Variants in DAAM1 observed in about 807,000 individuals in gnomAD.
DAAM1 encodes disheveled-associated activator of morphogenesis 1.
DAAM1 carries 52 observed loss-of-function variants against 130.0 expected under a neutral mutation model. The ratio of observed to expected loss-of-function variants is 0.40; its 90% CI spans 0.32 to 0.50. The LOEUF (loss-of-function observed/expected upper bound fraction) is 0.50. Ranked by LOEUF, DAAM1 falls within the 20% of genes least tolerant of loss-of-function variation. The pLI is 0.61. For missense variants in DAAM1, 1,134 were observed against 1,303.8 expected, an observed-to-expected ratio of 0.87 and a Z score of 2.01; for synonymous variants, 452 against 444.5, an observed-to-expected ratio of 1.02 and a Z score of -0.21.
intron 1 of DAAM1, among the ~76,000 whole-genome samples, chr14:59,262,490 C>T (rs933162600): frequency 6.6e-5 from 10 of 152,158 alleles, no homozygotes; most frequent in Non-Finnish European, 1.0e-4. Context: ...TTCTCCAACC[C>T]TCTGTTTTTA....
chr14:59,262,673 TG>T, intron 1 of DAAM1, among the ~76,000 whole-genome samples: 1 of 151,250 alleles, frequency 6.6e-6, no homozygotes, highest in Non-Finnish European at 1.5e-5. Context: ...TGTGTGTGTG[TG>T]TGTGTGTGTG....
intron 1 of DAAM1, among the ~76,000 whole-genome samples, chr14:59,245,720 G>C (rs919595563): frequency 2.0e-5 from 3 of 152,164 alleles, no homozygotes; most frequent in Non-Finnish European, 4.4e-5. Context: ...CTAGTGAATG[G>C]TTTGGTAGCT....
At chr14:59,230,383 C>T (rs951308866) in intron 1 of DAAM1, among the ~76,000 whole-genome samples, 6 of 151,858 alleles carry the variant, frequency 4.0e-5, no homozygotes, top group Non-Finnish European at 5.9e-5. Flanking sequence ...AACATGGAGC[C>T]TCTTCCTGGG....
chr14:59,284,167 G>A (rs796472617), intron 2 of DAAM1, among the ~76,000 whole-genome samples: 1 of 152,126 alleles, frequency 6.6e-6, no homozygotes, highest in African/African-American at 2.4e-5. Context: ...GAATTGGAAA[G>A]ACAAAGAGGA....
intron 3 of DAAM1, among the ~76,000 whole-genome samples, chr14:59,298,066 A>C (rs1205183724): frequency 6.6e-6 from 1 of 152,208 alleles, no homozygotes; most frequent in Admixed American, 6.5e-5. Context: ...CTCTTACCTT[A>C]AAATAGTTTT....
intron 1 of DAAM1, among the ~76,000 whole-genome samples, chr14:59,234,096 A>G (rs1459803632): frequency 2.0e-5 from 3 of 151,932 alleles, no homozygotes. Context: ...CTTGCTTAGG[A>G]TTGTCTTGGC....
chr14:59,330,412 G>A (rs1010290797), intron 12 of DAAM1, 89 bp from the exon 13 acceptor site: 2 of 1,226,126 alleles, frequency 1.6e-6, no homozygotes, highest in East Asian at 2.5e-5. Context: ...CATAATCTCT[G>A]CCATCATCCT....
At chr14:59,265,164 T>C (rs1270745112) in intron 2 of DAAM1, 1 of 152,218 alleles carries the variant, frequency 6.6e-6, no homozygotes, top group Non-Finnish European at 1.5e-5. Flanking sequence ...CCAACTCTTA[T>C]AGACCAGAAT....
chr14:59,242,746 A>G (rs1881186416), intron 1 of DAAM1, among the ~76,000 whole-genome samples: 1 of 151,964 alleles, frequency 6.6e-6, no homozygotes, highest in African/African-American at 2.4e-5. Flanking sequence ...TTTTAGTAGA[A>G]ACAGGGTTTC....
At position 59,367,371 on chromosome 14, in the gene DAAM1, A is replaced by G. The variant is rs562687271; in HGVS notation, c.2827-58A>G. On this transcript the variant is annotated intron_variant, in intron 23 of 24. Transcript: ENST00000360909. ...GGCTTTGGTCTTTCTCAAGTTATTT[A>G]TATTTGATTGTGGAATTCTCATGAA... 3.2e-6 allele frequency: 5 copies of G among 1,543,922 alleles called. No homozygotes were observed. In the South Asian group the frequency reaches 5.0e-5, roughly 16 times the overall value.
Position 59,277,604 on chromosome 14 carries a change from A to G in DAAM1, c.184-13613A>G, listed in dbSNP as rs556402435. ...TTGGTTTTAGTTTTTGAGAAACTAA[A>G]ACTTTCTCTGGAGAGGCATGATGCT... On this transcript the variant is annotated intron_variant, in intron 2 of 24. Transcript: ENST00000360909. 3.9e-5 allele frequency among the ~76,000 whole-genome samples: 6 copies of G among 152,130 alleles called. No homozygotes were observed. The South Asian group carries it at 1.2e-3, about 32-fold the overall frequency.
At chr14:59,236,972 G>T (rs1002205636) in intron 1 of DAAM1, among the ~76,000 whole-genome samples, 1 of 152,064 alleles carries the variant, frequency 6.6e-6, no homozygotes, top group Non-Finnish European at 1.5e-5. Flanking sequence ...ACAACTACTC[G>T]GAAAGCAGCC....
At chr14:59,361,407 G>C (rs1886700254) in intron 22 of DAAM1, among the ~76,000 whole-genome samples, 1 of 152,218 alleles carries the variant, frequency 6.6e-6, no homozygotes, top group African/African-American at 2.4e-5. Context: ...CAGATAAGCA[G>C]AGTGATTACG....
intron 15 of DAAM1, 96 bp downstream of exon 15, chr14:59,332,016 A>G: frequency 2.8e-6 from 3 of 1,053,206 alleles, no homozygotes; most frequent in Non-Finnish European, 4.3e-6. Flanking sequence ...TGTGACCGGC[A>G]TATGAATTCT....
chr14:59,275,423 C>G (rs3900590), intron 2 of DAAM1, among the ~76,000 whole-genome samples: 1 of 151,282 alleles, frequency 6.6e-6, no homozygotes, highest in Non-Finnish European at 1.5e-5. Context: ...ACGTGTACCC[C>G]GAACTTAAAA....
intron 24 of DAAM1, among the ~76,000 whole-genome samples, chr14:59,368,044 T>C (rs947524048): frequency 1.3e-5 from 2 of 152,220 alleles, no homozygotes; most frequent in Middle Eastern, 3.4e-3. Context: ...TGAAATCTTT[T>C]TCTGTTTTGT....
rs527797785 is a variant in DAAM1, at chr14:59,333,495, CTCTG to C, written c.1968+1580_1968+1583del. On this transcript the variant is annotated intron_variant, in intron 15 of 24. Transcript: ENST00000360909. ...ATTGGCTGCAACATGCTGCCTCTTT[CTCTG>C]TCTGCTGTCCTGAGAAGGTGTCTCC... Among the ~76,000 whole-genome samples, 203 of 152,356 alleles carry C rather than the reference CTCTG, an allele frequency of 1.3e-3. 1 individual carries two copies. The highest frequency in any genetic ancestry group is 4.7e-3 in the African/African-American group (196 of 41,586).
chr14:59,295,353 T>C (rs562810958), intron 3 of DAAM1, among the ~76,000 whole-genome samples: 1 of 152,356 alleles, frequency 6.6e-6, no homozygotes, highest in East Asian at 1.9e-4. Context: ...TCAGCTATCA[T>C]GATTTCTGCA....
chr14:59,289,666 A>G (rs1321628005), intron 2 of DAAM1, among the ~76,000 whole-genome samples: 2 of 151,232 alleles, frequency 1.3e-5, no homozygotes, highest in Admixed American at 6.6e-5. Flanking sequence ...TCTCCCAAAA[A>G]GACATATGCA....
Sources: gnomAD v4.1 joint callset for allele counts (sites outside exome capture counted in the v4.1 genomes callset) on GRCh38, gnomAD v4.1.1 for gene constraint, MANE v1.5 for transcripts, NCBI Gene and HGNC (gene_info 2026-07-23, HGNC 2026-07-21) for gene names.